DOCK6: variants seen among roughly 807,000 people sequenced by gnomAD.
DOCK6 encodes dedicator of cytokinesis protein 6.
DOCK6 carries 167 observed loss-of-function variants against 230.3 expected under a neutral mutation model. The observed-to-expected ratio is 0.73, with a 90% CI of 0.64 to 0.82. The LOEUF (loss-of-function observed/expected upper bound fraction) is 0.82, where lower values mean the gene tolerates loss of function less well. Among genes scored for constraint, DOCK6 ranks in the 40% least tolerant of loss-of-function variants. The pLI is 0.00. For missense variants in DOCK6, 2,598 were observed against 2,825.8 expected (o/e 0.92, Z 1.83); for synonymous variants, 1,148 against 1,185.0 (o/e 0.97, Z 0.64).
rs201154778 is a variant in DOCK6 at position 11,216,897 on chromosome 19, T to C, written c.3894+17A>G. The C allele has an allele frequency of 3.7e-6, 6 of 1,613,162 alleles. No homozygotes were observed. The African/African-American group carries it at 6.7e-5, about 18-fold the overall frequency. ...TTAGCCTGCCTCCTCCATCATCTCC[T>C]GCCCACGCCCTCAAACCTTGTACTC... On this transcript the variant is annotated intron_variant, in intron 30 of 47. Transcript: ENST00000294618.
intron 23 of DOCK6, among the ~76,000 whole-genome samples, chr19:11,228,560 CTTTT>C (rs1044123664): frequency 2.3e-5 from 3 of 128,904 alleles, no homozygotes; most frequent in Admixed American, 7.8e-5. Flanking sequence ...GGGCTTCTCT[CTTTT>C]TTTTTTTTTT....
intron 22 of DOCK6, among the ~76,000 whole-genome samples, chr19:11,230,492 G>A (rs2079748269): frequency 6.6e-6 from 1 of 152,196 alleles, no homozygotes; most frequent in Admixed American, 6.6e-5. Context: ...TACATGGTGT[G>A]TGGGGTGAAG....
intron 41 of DOCK6, chr19:11,203,771 A>G (rs2079210100): frequency 3.9e-6 from 2 of 517,448 alleles, no homozygotes; most frequent in Non-Finnish European, 6.8e-6. Context: ...AGACCAAGAG[A>G]CCATGAGGGA....
At chr19:11,246,822 T>C (rs564281576) in intron 7 of DOCK6, among the ~76,000 whole-genome samples, 28 of 152,166 alleles carry the variant, frequency 1.8e-4, no homozygotes, top group South Asian at 1.2e-3. Flanking sequence ...CCTGTCTTAC[T>C]CCACCTTGCT....
At position 11,200,172 on chromosome 19, in the gene DOCK6, C is replaced by G; in HGVS notation, c.6101+136G>C. ...TCAAAAAAAAAAACAAAAAAAAAAC[C>G]GGAAACAAAACAAAGTCCAAGCTAC... On this transcript the variant is annotated intron_variant, in intron 47 of 47. Transcript: ENST00000294618. The surrounding 1 kb of genome is among the most constrained non-coding windows in gnomAD (Gnocchi z 4.3). 1 of 942,290 alleles carries G rather than the reference C, an allele frequency of 1.1e-6. No homozygotes were observed. The highest frequency in any genetic ancestry group is 1.5e-6 in the Non-Finnish European group (1 of 662,702). 58.4% of individuals were successfully genotyped at this position (942,290 alleles called of 1,614,324 possible). A position where few individuals can be genotyped will look rare whatever the true frequency, so the allele number is the denominator to read the frequency against.
At position 11,199,489 on chromosome 19, in the gene DOCK6, T is replaced by G; in HGVS notation, c.*8A>C. On this transcript the variant is annotated 3_prime_UTR_variant, in exon 48 of 48. Coordinates refer to ENST00000294618, the MANE Select transcript of DOCK6 (RefSeq NM_020812.4). ...GTTCCTCTAGGTACAGCTTTGGTCCTTGTGGGCTCAGAGGTCTGCCTTTCG... is the reference window on the plus strand; with the variant it reads ...GTTCCTCTAGGTACAGCTTTGGTCCGTGTGGGCTCAGAGGTCTGCCTTTCG... 6.3e-7 allele frequency: 1 copy of G among 1,579,468 alleles called. No homozygotes were observed. Among genetic ancestry groups the G allele is most frequent in the Non-Finnish European group, 8.6e-7 (1 of 1,162,542 alleles).
rs778436151 is a variant in DOCK6 at position 11,222,666 on chromosome 19, C to T, written c.3240+69G>A. 6.9e-7 allele frequency: 1 copy of T among 1,455,504 alleles called. No individual in the cohort carries two copies. The highest frequency in any genetic ancestry group is 9.3e-7 in the Non-Finnish European group (1 of 1,077,514). 90.2% of individuals were successfully genotyped at this position (1,455,504 alleles called of 1,614,324 possible). A position where few individuals can be genotyped will look rare whatever the true frequency, so the allele number is the denominator to read the frequency against. On this transcript the variant is annotated intron_variant, in intron 26 of 47. Transcript: ENST00000294618. The surrounding 1 kb of genome is among the most constrained non-coding windows in gnomAD (Gnocchi z 4.0). ...CGTGAAAGGGACAGAGATGAGGGAA[C>T]CATAGGAGATGGACTGAAGGTGAGA... is the stretch of plus-strand genomic sequence containing the variant.
chr19:11,211,334 A>G (rs1329240030), intron 37 of DOCK6, among the ~76,000 whole-genome samples: 1 of 142,494 alleles, frequency 7.0e-6, no homozygotes, highest in East Asian at 2.1e-4. Flanking sequence ...CCTCTCCTAC[A>G]CTCCTCAATG....
intron 9 of DOCK6, 22 bp downstream of exon 9, chr19:11,245,541 C>G (rs951389742): frequency 1.3e-6 from 2 of 1,550,294 alleles, no homozygotes; most frequent in Non-Finnish European, 1.7e-6. Context: ...TTACCACCCC[C>G]TTGCCCAGCC....
chr19:11,204,778 G>C (rs1188456489), intron 39 of DOCK6, among the ~76,000 whole-genome samples: 1 of 152,166 alleles, frequency 6.6e-6, no homozygotes, highest in Non-Finnish European at 1.5e-5. Context: ...CTGGGCTCAA[G>C]TGATCCTCCT....
At chr19:11,228,133 C>T (rs1352484066) in intron 23 of DOCK6, among the ~76,000 whole-genome samples, 1 of 151,624 alleles carries the variant, frequency 6.6e-6, no homozygotes, top group Admixed American at 6.6e-5. Context: ...GCCTCAGTCT[C>T]CCATGTAGCT....
intron 30 of DOCK6, among the ~76,000 whole-genome samples, chr19:11,216,405 CTT>C (rs2079488147): frequency 7.0e-6 from 1 of 143,300 alleles, no homozygotes; most frequent in African/African-American, 2.9e-5. Flanking sequence ...AAAAAAATTT[CTT>C]TTCTTCTTTT....
intron 13 of DOCK6, among the ~76,000 whole-genome samples, chr19:11,242,487 G>A (rs551894647): frequency 6.6e-6 from 1 of 152,218 alleles, no homozygotes; most frequent in East Asian, 1.9e-4. Flanking sequence ...TGCCTCCCCA[G>A]TTCAAGTGAT....
Position 11,200,852 on chromosome 19 carries a change from C to G in DOCK6, c.5833-30G>C. 6.2e-7 allele frequency: 1 copy of G among 1,613,228 alleles called. No homozygotes were observed. Among genetic ancestry groups the G allele is most frequent in the African/African-American group, 1.3e-5 (1 of 75,002 alleles). On this transcript the variant is annotated intron_variant, in intron 45 of 47. Transcript: ENST00000294618. This position sits in a 1 kb window ranked among gnomAD's most constrained non-coding sequence, Gnocchi z 4.3. ...GGGGTGAGAGGGACTGGTGAGCCAG[C>G]CTGCATGGCACCTGGAGTCCCCCGT...
chr19:11,202,051 GT>G lies in DOCK6; in HGVS notation c.5525del (p.Asp1842AlafsTer58), dbSNP rs1169692758. ...YELKDRVTYF[D>X]RNYGLRTFLF... Reference sequence around the variant, plus strand: ...GGAATGTGCGAAGCCCATAGTTGCGGTCAAAGTAGGTCACCCGGTCCTTGAG... The same window carrying G: ...GGAATGTGCGAAGCCCATAGTTGCGGCAAAGTAGGTCACCCGGTCCTTGAG... On this transcript the variant is annotated frameshift_variant, in exon 44 of 48. Transcript: ENST00000294618. LOFTEE classifies it high-confidence loss of function. The surrounding 1 kb of genome is among the most constrained non-coding windows in gnomAD (Gnocchi z 5.3). 6.2e-7 allele frequency: 1 copy of G among 1,613,930 alleles called. No homozygotes were observed.
chr19:11,245,746 C>T (rs2080022120), intron 8 of DOCK6, 34 bp from the exon 9 acceptor site: 1 of 1,606,324 alleles, frequency 6.2e-7, no homozygotes, highest in African/African-American at 1.3e-5. Flanking sequence ...GCCACCACCT[C>T]TGGGAAGCCC....
intron 1 of DOCK6, among the ~76,000 whole-genome samples, chr19:11,258,228 G>T (rs1470396468): frequency 6.6e-6 from 1 of 152,172 alleles, no homozygotes; most frequent in African/African-American, 2.4e-5. Context: ...AGTGAACAAA[G>T]TTGGGCACAT....
intron 28 of DOCK6, among the ~76,000 whole-genome samples, chr19:11,218,235 C>T (rs2079525503): frequency 6.6e-6 from 1 of 152,116 alleles, no homozygotes; most frequent in Admixed American, 6.6e-5. Flanking sequence ...CGACCTCTGC[C>T]TCCCGGGTTC....
intron 21 of DOCK6, 28 bp downstream of exon 21, chr19:11,235,570 C>T (rs747485827): frequency 1.7e-5 from 27 of 1,545,724 alleles, no homozygotes; most frequent in Admixed American, 9.4e-5. Flanking sequence ...AGATATTTCT[C>T]GTCTCACAGG....
Sources: gnomAD v4.1 joint callset for allele counts (sites outside exome capture counted in the v4.1 genomes callset) on GRCh38, gnomAD v4.1.1 for gene constraint, Gnocchi (gnomAD v3.1) non-coding constraint, MANE v1.5 for transcripts, NCBI Gene and HGNC (gene_info 2026-07-23, HGNC 2026-07-21) for gene names.